RPL7A: variants seen among roughly 807,000 people sequenced by gnomAD.
RPL7A encodes the protein large ribosomal subunit protein eL8.
For synonymous variants in RPL7A, 158 were observed against 128.2 expected (o/e 1.23, Z -1.57); for missense variants, 291 against 338.2 (o/e 0.86, Z 1.09).
chr9:133,348,557 G>A (rs959822088), intron 1 of RPL7A: 1 of 595,162 alleles, frequency 1.7e-6, no homozygotes, highest in Non-Finnish European at 3.0e-6. Context: ...CTTGCTGGGG[G>A]CCGCTCCAGA....
At chr9:133,348,377 G>A in intron 1 of RPL7A, 131 bp downstream of exon 1, 1 of 1,279,622 alleles carries the variant, frequency 7.8e-7, no homozygotes, top group Non-Finnish European at 1.1e-6. Flanking sequence ...GGTGTGGCAC[G>A]GAGACACCGA....
Position 133,349,981 on chromosome 9 carries a change from T to C in RPL7A, c.344T>C (p.Leu115Ser). ...AAGCAAGAGAAGAAGCAGAGACTGT[T>C]GGCCCGGGCCGAGAAGAAGGCTGCT... ...ETKQEKKQRL[L>S]ARAEKKAAGK... is the part of the protein sequence containing the mutation. Residue 115 changes from leucine (L) to serine (S), a missense_variant, in exon 4 of 8, where the codon TTG (leucine) becomes TCG (serine). Physicochemically the swap from Leu to Ser is moderately radical, Grantham distance 145. Coordinates refer to ENST00000323345, the MANE Select transcript of RPL7A (RefSeq NM_000972.3). The C allele has an allele frequency of 6.2e-7, 1 of 1,612,462 alleles. No homozygotes were observed. The highest frequency in any genetic ancestry group is 8.5e-7 in the Non-Finnish European group (1 of 1,180,026).
intron 1 of RPL7A, 139 bp downstream of exon 1, chr9:133,348,385 C>A (rs2129978249): frequency 3.2e-6 from 4 of 1,231,828 alleles, no homozygotes; most frequent in African/African-American, 3.0e-5. Flanking sequence ...ACGGAGACAC[C>A]GAGGTGGATT....
intron 2 of RPL7A, 189 bp from the exon 3 acceptor site, chr9:133,349,362 A>G: frequency 1.1e-6 from 1 of 899,772 alleles, no homozygotes; most frequent in Admixed American, 1.7e-5. Flanking sequence ...TAGATGAGGA[A>G]AAGCATCGTG....
intron 5 of RPL7A, 27 bp from the exon 6 acceptor site, chr9:133,350,570 C>G: frequency 1.9e-6 from 3 of 1,614,006 alleles, no homozygotes; most frequent in Non-Finnish European, 2.5e-6. Context: ...GGTCAAAATA[C>G]AGTCTTCAGC....
chr9:133,350,851 A>G (rs1281017053), intron 6 of RPL7A, 124 bp downstream of exon 6: 3 of 1,538,844 alleles, frequency 1.9e-6, no homozygotes, highest in Admixed American at 1.7e-5. Flanking sequence ...AACTTTTGCC[A>G]ATGATGGTTA....
Position 133,350,745 on chromosome 9 carries a change from C to T in RPL7A, c.626+18C>T, listed in dbSNP as rs1324021024. Reference sequence around the variant, plus strand: ...GTGAACTCGTAAGTACACAGCCTGGCCCCAAACTTCCCCCCAGTTCATTTA... The same window carrying T: ...GTGAACTCGTAAGTACACAGCCTGGTCCCAAACTTCCCCCCAGTTCATTTA... On this transcript the variant is annotated intron_variant, in intron 6 of 7. Coordinates refer to ENST00000323345, the MANE Select transcript of RPL7A (RefSeq NM_000972.3). 5 of 1,610,038 alleles carry T rather than the reference C, an allele frequency of 3.1e-6. No homozygotes were observed. In the African/African-American group the frequency reaches 6.7e-5, roughly 22 times the overall value.
At chr9:133,350,825 G>A (rs2129996361) in intron 6 of RPL7A, 98 bp downstream of exon 6, 3 of 1,578,620 alleles carry the variant, frequency 1.9e-6, no homozygotes, top group East Asian at 2.2e-5. Context: ...TTTAGTTTAA[G>A]AAATATATTT....
At chr9:133,349,077 G>A (rs2129983351) in intron 2 of RPL7A, 35 bp downstream of exon 2, 1 of 1,609,106 alleles carries the variant, frequency 6.2e-7, no homozygotes. Flanking sequence ...AACGGTCTAT[G>A]TTTTTCTCAA....
At position 133,351,326 on chromosome 9, in the gene RPL7A, A is replaced by G; in HGVS notation, c.761A>G (p.Glu254Gly). Reference protein sequence around the residue: ...PKSVARIAKLEKAKAKELATK... With the variant: ...PKSVARIAKLGKAKAKELATK... ...TCTGTGGCTCGTATCGCCAAGCTCG[A>G]AAAGGCAAAGGCTAAAGAACTTGCC... Residue 254 changes from glutamate (E) to glycine (G), a missense_variant, in exon 8 of 8, where the codon GAA (glutamate) becomes GGA (glycine). Transcript: ENST00000323345. The G allele has an allele frequency of 6.2e-7, 1 of 1,613,676 alleles. No individual in the cohort carries two copies. The highest frequency in any genetic ancestry group is 8.5e-7 in the Non-Finnish European group (1 of 1,179,804).
intron 3 of RPL7A, 103 bp from the exon 4 acceptor site, chr9:133,349,809 T>A: frequency 6.3e-7 from 1 of 1,579,150 alleles, no homozygotes; most frequent in Non-Finnish European, 8.6e-7. Flanking sequence ...GTCATTAAAT[T>A]ATAGTCATAT....
chr9:133,349,886 GC>G lies in RPL7A; in HGVS notation c.275-24del, dbSNP rs2129989388. ...ACAAGGATTAGAACCTTGACTCCAA[GC>G]CTAAACTGAAGAGTGTTTTTCCAGC... is the stretch of plus-strand genomic sequence containing the variant. On this transcript the variant is annotated intron_variant, in intron 3 of 7. Transcript: ENST00000323345. The G allele has an allele frequency of 1.9e-6, 3 of 1,610,114 alleles. No individual in the cohort carries two copies. In the East Asian group the frequency reaches 6.7e-5, roughly 36 times the overall value.
chr9:133,350,674 A>C lies in RPL7A; in HGVS notation c.573A>C (p.Gly191=). 5 of 1,614,116 alleles carry C rather than the reference A, an allele frequency of 3.1e-6. No individual in the cohort carries two copies. Among genetic ancestry groups the C allele is most frequent in the Non-Finnish European group, 3.4e-6 (4 of 1,180,012 alleles). ...TTATCAAGGGAAAGGCAAGACTGGG[A>C]CGTCTAGTCCACAGGAAGACCTGCA... ...YCIIKGKARL[G]RLVHRKTCTT... Residue 191 remains glycine, a synonymous_variant, in exon 6 of 8, where the codon GGA becomes GGC. Coordinates refer to ENST00000323345, the MANE Select transcript of RPL7A (RefSeq NM_000972.3).
Position 133,351,371 on chromosome 9 carries a change from A to G in RPL7A, c.*5A>G. On this transcript the variant is annotated 3_prime_UTR_variant, in exon 8 of 8. Coordinates refer to ENST00000323345, the MANE Select transcript of RPL7A (RefSeq NM_000972.3). ...CTTGCCACTAAACTGGGTTAAATGT[A>G]CACTGTTGAGTTTTCTGTACATAAA... The G allele has an allele frequency of 6.3e-7, 1 of 1,578,668 alleles. No individual in the cohort carries two copies. Among genetic ancestry groups the G allele is most frequent in the Non-Finnish European group, 8.7e-7 (1 of 1,150,780 alleles).
intron 1 of RPL7A, 32 bp downstream of exon 1, chr9:133,348,278 C>T (rs201662085): frequency 3.2e-5 from 51 of 1,614,070 alleles, no homozygotes; most frequent in Non-Finnish European, 3.9e-5. Flanking sequence ...GGCACTATAG[C>T]CAGGTTCCGG....
rs201228304 is a variant in RPL7A, at chr9:133,348,258, G to C, written c.3+12G>C. 1.3e-5 allele frequency: 21 copies of C among 1,614,126 alleles called. 1 individual carries two copies. The highest frequency in any genetic ancestry group is 4.4e-5 in the South Asian group (4 of 91,092). ...CGCCGCCCAAGATGGTGAGTGAGCTGTAGTTCCGTGGCACTATAGCCAGGT... is the reference window on the plus strand; with the variant it reads ...CGCCGCCCAAGATGGTGAGTGAGCTCTAGTTCCGTGGCACTATAGCCAGGT... On this transcript the variant is annotated intron_variant, in intron 1 of 7. Transcript: ENST00000323345.
chr9:133,350,894 A>G, intron 6 of RPL7A, 108 bp from the exon 7 acceptor site: 1 of 1,464,684 alleles, frequency 6.8e-7, no homozygotes, highest in Non-Finnish European at 9.6e-7. Flanking sequence ...CCATGTGGTC[A>G]GCATTGCATC....
At position 133,349,529 on chromosome 9, in the gene RPL7A, G is replaced by A. The variant is rs2129986978; in HGVS notation, c.125-22G>A. 4.3e-6 allele frequency: 7 copies of A among 1,613,794 alleles called. No homozygotes were observed. The South Asian group carries it at 4.4e-5, about 10-fold the overall frequency. ...TTGACATGGAATTTGAGCCTCACTC[G>A]GTGTCACCCTTTACTTCTCAGGACA... On this transcript the variant is annotated intron_variant, in intron 2 of 7. Coordinates refer to ENST00000323345, the MANE Select transcript of RPL7A (RefSeq NM_000972.3).
chr9:133,350,149 C>CT (rs2129991676), intron 4 of RPL7A, 91 bp from the exon 5 acceptor site: 1 of 1,612,198 alleles, frequency 6.2e-7, no homozygotes, highest in Non-Finnish European at 8.5e-7. Flanking sequence ...TAAAACCGAG[C>CT]TTTTTAACAC....
Sources: gnomAD v4.1 joint callset for allele counts on GRCh38, gnomAD v4.1.1 for gene constraint, MANE v1.5 for transcripts, NCBI Gene and HGNC (gene_info 2026-07-23, HGNC 2026-07-21) for gene names.